Variants in PCDHGA5 observed in about 807,000 individuals in gnomAD.
PCDHGA5 encodes protocadherin gamma subfamily A, 5.
Under a neutral mutation model 56.7 loss-of-function variants are expected in PCDHGA5, and 36 were observed. The observed-to-expected ratio is 0.64, with a 90% CI of 0.49 to 0.84. PCDHGA5 has a LOEUF of 0.84. Among genes scored for constraint, PCDHGA5 ranks in the 40% least tolerant of loss-of-function variants. The probability of loss-of-function intolerance (pLI) is 0.00; values close to 1 mark genes in which losing one functional copy is unlikely to be tolerated. For missense variants in PCDHGA5, 1,305 were observed against 1,201.5 expected, an observed-to-expected ratio of 1.09 and a Z score of -1.27; for synonymous variants, 563 against 520.2, an observed-to-expected ratio of 1.08 and a Z score of -1.12.
chr5:141,415,967 C>A, intron 1 of PCDHGA5: 1 of 389,100 alleles, frequency 2.6e-6, no homozygotes, highest in Non-Finnish European at 4.2e-6. Context: ...AACTCCAGCC[C>A]CTTAAGCAAC....
chr5:141,485,500 C>T lies in PCDHGA5; in HGVS notation c.2422-9307C>T. 1 of 1,614,142 alleles carries T rather than the reference C, an allele frequency of 6.2e-7. No homozygotes were observed. The highest frequency in any genetic ancestry group is 8.5e-7 in the Non-Finnish European group (1 of 1,180,038). ...GCTGCATCGTGCCCCTGGAGTTTGT[C>T]ACCGAAGGTCCTTTGGAAATGTACC... On this transcript the variant is annotated intron_variant, in intron 1 of 3. Coordinates refer to ENST00000518069, the MANE Select transcript of PCDHGA5 (RefSeq NM_018918.3). The surrounding 1 kb of genome is among the most constrained non-coding windows in gnomAD (Gnocchi z 5.7).
chr5:141,389,737 G>A, intron 1 of PCDHGA5: 2 of 1,612,718 alleles, frequency 1.2e-6, no homozygotes, highest in Non-Finnish European at 1.7e-6. Flanking sequence ...TTCAGCCTGG[G>A]GCTGCGCACG....
chr5:141,510,847 A>C (rs1279701390), intron 3 of PCDHGA5, 100 bp from the exon 4 acceptor site: 1 of 1,595,232 alleles, frequency 6.3e-7, no homozygotes, highest in Non-Finnish European at 8.6e-7. Context: ...GTCAAGGCCC[A>C]GGGTGCTGTA....
At chr5:141,488,213 C>T (rs1261280988) in intron 1 of PCDHGA5, among the ~76,000 whole-genome samples, 1 of 152,118 alleles carries the variant, frequency 6.6e-6, no homozygotes, top group Non-Finnish European at 1.5e-5. Context: ...CATATCAAGT[C>T]CCTACTGGGG....
intron 1 of PCDHGA5, chr5:141,478,619 A>G: frequency 6.4e-7 from 1 of 1,555,598 alleles, no homozygotes; most frequent in Non-Finnish European, 8.7e-7. Context: ...GAAGGAATGG[A>G]GCTGTTTTTT....
At chr5:141,374,364 A>C in intron 1 of PCDHGA5, 2 of 1,614,024 alleles carry the variant, frequency 1.2e-6, no homozygotes, top group Non-Finnish European at 1.7e-6. Context: ...GACCGCGAGG[A>C]GCTCTGTGCT....
chr5:141,483,648 T>TTG (rs111458813), intron 1 of PCDHGA5, among the ~76,000 whole-genome samples: 1,883 of 149,700 alleles, frequency 0.013, 19 homozygotes, highest in African/African-American at 0.023. Flanking sequence ...GGGTGTGTGT[T>TTG]TGTGTGTGTG....
rs373591066 is a variant in PCDHGA5, at chr5:141,404,487, G to T, written c.2421+37736G>T. 8 of 1,613,840 alleles carry T rather than the reference G, an allele frequency of 5.0e-6. No homozygotes were observed. In the East Asian group the frequency reaches 1.8e-4, roughly 36 times the overall value. The stretch of plus-strand genomic sequence containing the variant: ...TATGTCTCTATTAACTCAGACACTG[G>T]TGTGCTGTATGCTCTGTGCTCCTTT... On this transcript the variant is annotated intron_variant, in intron 1 of 3. Transcript: ENST00000518069.
intron 1 of PCDHGA5, among the ~76,000 whole-genome samples, chr5:141,454,980 T>A (rs1049733405): frequency 9.3e-5 from 14 of 151,310 alleles, no homozygotes; most frequent in African/African-American, 2.4e-4. Context: ...GCTAATTTTT[T>A]AAAAAATATT....
intron 1 of PCDHGA5, chr5:141,419,964 T>A (rs151105903): frequency 1.2e-6 from 2 of 1,613,964 alleles, no homozygotes; most frequent in African/African-American, 2.7e-5. Context: ...ATTTCTGTGC[T>A]CTTTCTCCTC....
chr5:141,415,182 C>T (rs2095840318), intron 1 of PCDHGA5: 2 of 1,613,842 alleles, frequency 1.2e-6, no homozygotes, highest in Non-Finnish European at 1.7e-6. Flanking sequence ...TGGCCGTGGC[C>T]GACAGCATCC....
chr5:141,492,575 C>T (rs1213639439), intron 1 of PCDHGA5, among the ~76,000 whole-genome samples: 1 of 152,218 alleles, frequency 6.6e-6, no homozygotes, highest in South Asian at 2.1e-4. Flanking sequence ...GAGCGAGGCG[C>T]GGGGCCAGGA....
At chr5:141,389,172 C>G (rs1276294939) in intron 1 of PCDHGA5, 1 of 1,614,036 alleles carries the variant, frequency 6.2e-7, no homozygotes, top group Non-Finnish European at 8.5e-7. Flanking sequence ...CAAGCCTCCC[C>G]TCTCCTCCAG....
In PCDHGA5 at chr5:141,486,890, G is replaced by T; in HGVS notation, c.2422-7917G>T. On this transcript the variant is annotated intron_variant, in intron 1 of 3. Coordinates refer to ENST00000518069, the MANE Select transcript of PCDHGA5 (RefSeq NM_018918.3). The surrounding 1 kb of genome is among the most constrained non-coding windows in gnomAD (Gnocchi z 5.0). ...TGTGCTCCGTCCTCGGGCCCGGCCT[G>T]GTTCCTTATGTCCCCAAGCACTGCC... 6.2e-7 allele frequency: 1 copy of T among 1,614,242 alleles called. No individual in the cohort carries two copies. The highest frequency in any genetic ancestry group is 8.5e-7 in the Non-Finnish European group (1 of 1,180,048).
chr5:141,419,274 C>T lies in PCDHGA5; in HGVS notation c.2421+52523C>T, dbSNP rs755798236. 17 of 1,613,900 alleles carry T rather than the reference C, an allele frequency of 1.1e-5. No homozygotes were observed. Among genetic ancestry groups the T allele is most frequent in the African/African-American group, 1.3e-5 (1 of 74,948 alleles). ...AACAACCAGCCGGGTGCCTCCATAG[C>T]GCAAGTCAGTGCCTCTGACCCAGAC... is the stretch of plus-strand genomic sequence containing the variant. On this transcript the variant is annotated intron_variant, in intron 1 of 3. Transcript: ENST00000518069.
rs758515649 is a variant in PCDHGA5 at position 141,432,368 on chromosome 5, A to G, written c.2422-62439A>G. On this transcript the variant is annotated intron_variant, in intron 1 of 3. Coordinates refer to ENST00000518069, the MANE Select transcript of PCDHGA5 (RefSeq NM_018918.3). This position sits in a 1 kb window ranked among gnomAD's most constrained non-coding sequence, Gnocchi z 6.0. ...GCAAGTGAAAGTGATGGCGCGGGAC[A>G]ACGGGCACCCGCCCCTCAGCAGCAA... 1.2e-6 allele frequency: 2 copies of G among 1,614,110 alleles called. No homozygotes were observed. Among genetic ancestry groups the G allele is most frequent in the Non-Finnish European group, 1.7e-6 (2 of 1,180,054 alleles).
At chr5:141,418,654 G>C (rs2096278227) in intron 1 of PCDHGA5, 1 of 1,614,016 alleles carries the variant, frequency 6.2e-7, no homozygotes, top group African/African-American at 1.3e-5. Context: ...TGAGAGTGAA[G>C]GCCACTGACC....
rs1243327893 is a variant in PCDHGA5, at chr5:141,491,671, C to A, written c.2422-3136C>A. 2.5e-6 allele frequency: 4 copies of A among 1,613,366 alleles called. No homozygotes were observed. Among genetic ancestry groups the A allele is most frequent in the Non-Finnish European group, 3.4e-6 (4 of 1,179,808 alleles). On this transcript the variant is annotated intron_variant, in intron 1 of 3. Coordinates refer to ENST00000518069, the MANE Select transcript of PCDHGA5 (RefSeq NM_018918.3). The surrounding 1 kb of genome is among the most constrained non-coding windows in gnomAD (Gnocchi z 6.9). Reference sequence around the variant, plus strand: ...GCTGGAGCCTGACGCCATCCGGTCCCGCTCTAATACGCTGCGGGAGCGGAG... The same window carrying A: ...GCTGGAGCCTGACGCCATCCGGTCCAGCTCTAATACGCTGCGGGAGCGGAG...
At chr5:141,420,314 A>C (rs1454977890) in intron 1 of PCDHGA5, 1 of 1,442,690 alleles carries the variant, frequency 6.9e-7, no homozygotes. Flanking sequence ...TTTATATTAC[A>C]ATATGCCAAT....
Sources: allele counts gnomAD v4.1 joint callset (sites outside exome capture counted in the v4.1 genomes callset), GRCh38; gene constraint gnomAD v4.1.1; non-coding constraint Gnocchi (gnomAD v3.1); transcripts MANE v1.5; gene names NCBI Gene and HGNC (gene_info 2026-07-23, HGNC 2026-07-21).